PUDP: variants seen among roughly 807,000 people sequenced by gnomAD.
PUDP encodes the protein pseudouridine 5'-phosphatase.
A neutral mutation model predicts 9.4 loss-of-function variants in PUDP; 8 were observed. The ratio of observed to expected loss-of-function variants is 0.85; its 90% CI spans 0.50 to 1.53. PUDP has a LOEUF of 1.53. Among genes scored for constraint, PUDP ranks in the 40% most tolerant of loss-of-function variants. The pLI is 0.00. For missense variants in PUDP, 188 were observed against 189.7 expected (o/e 0.99, Z 0.05); for synonymous variants, 99 against 80.7 (o/e 1.23, Z -1.22).
chrX:6,827,752 C>T (rs191965298), intron 3 of PUDP, among the ~76,000 whole-genome samples: 9 of 112,206 alleles, frequency 8.0e-5, no homozygotes, highest in African/African-American at 2.6e-4. Flanking sequence ...ATTCTGTCAA[C>T]GTCTGCATCC....
intron 3 of PUDP, among the ~76,000 whole-genome samples, chrX:6,906,609 G>C (rs1016453501): frequency 4.5e-5 from 5 of 112,343 alleles, no homozygotes; most frequent in African/African-American, 9.7e-5. Flanking sequence ...ACTGAGGCAG[G>C]AATGAGAGCT....
chrX:6,868,399 A>C (rs572192199), intron 3 of PUDP, among the ~76,000 whole-genome samples: 1 of 111,956 alleles, frequency 8.9e-6, no homozygotes, highest in Admixed American at 9.5e-5. Flanking sequence ...CTAAAGGTTC[A>C]AGAATATTAG....
intron 1 of PUDP, among the ~76,000 whole-genome samples, chrX:7,037,487 T>A (rs1288760171): frequency 8.9e-6 from 1 of 111,935 alleles, no homozygotes; most frequent in Non-Finnish European, 1.9e-5. Flanking sequence ...TTCCTTTCAA[T>A]GTGTGCCACC....
At chrX:6,826,403 C>T (rs903985313) in intron 3 of PUDP, among the ~76,000 whole-genome samples, 2 of 111,819 alleles carry the variant, frequency 1.8e-5, no homozygotes, top group Non-Finnish European at 1.9e-5. Context: ...TTATCTTAGT[C>T]ATTCTCCAAA....
chrX:6,864,976 G>A (rs1176071969), intron 3 of PUDP, among the ~76,000 whole-genome samples: 1 of 111,783 alleles, frequency 8.9e-6, no homozygotes, highest in Non-Finnish European at 1.9e-5. Context: ...GATGTTTGGG[G>A]ATAGAGGTGT....
intron 1 of PUDP, among the ~76,000 whole-genome samples, chrX:6,982,917 G>A (rs1391375542): frequency 8.9e-6 from 1 of 112,118 alleles, no homozygotes; most frequent in Non-Finnish European, 1.9e-5. Flanking sequence ...ATAGCCAAGA[G>A]GTGGAAACAA....
At chrX:7,100,372 T>C (rs1931696882) in intron 2 of PUDP, among the ~76,000 whole-genome samples, 1 of 111,288 alleles carries the variant, frequency 9.0e-6, no homozygotes, top group African/African-American at 3.3e-5. Flanking sequence ...AAATACCTCC[T>C]TGGGTTCGGC....
At chrX:6,899,027 C>T (rs914713548) in intron 3 of PUDP, among the ~76,000 whole-genome samples, 1 of 112,093 alleles carries the variant, frequency 8.9e-6, no homozygotes, top group South Asian at 3.7e-4. Flanking sequence ...GGTTGAAGAT[C>T]CACTTGTTCT....
intron 3 of PUDP, among the ~76,000 whole-genome samples, chrX:6,865,935 A>AATTT (rs754285366): frequency 5.5e-5 from 6 of 109,339 alleles, no homozygotes; most frequent in African/African-American, 1.3e-4. Context: ...GTTAAAAAAA[A>AATTT]TTTAAGAGAC....
At chrX:6,839,208 G>A (rs1418170188) in intron 3 of PUDP, among the ~76,000 whole-genome samples, 2 of 111,654 alleles carry the variant, frequency 1.8e-5, no homozygotes, top group Admixed American at 9.5e-5. Context: ...AAGTAGTAGG[G>A]AGTGCGGCAA....
intron 3 of PUDP, among the ~76,000 whole-genome samples, chrX:6,749,260 G>A (rs1004758827): frequency 6.2e-5 from 7 of 112,084 alleles, no homozygotes; most frequent in Non-Finnish European, 1.1e-4. Flanking sequence ...TTATCAGGCA[G>A]CAGCATCGGG....
intron 3 of PUDP, among the ~76,000 whole-genome samples, chrX:6,751,627 C>G (rs1925086322): frequency 9.0e-6 from 1 of 111,119 alleles, no homozygotes; most frequent in Non-Finnish European, 1.9e-5. Flanking sequence ...GATCATTTTT[C>G]AAGATAAAAA....
intron 3 of PUDP, among the ~76,000 whole-genome samples, chrX:6,966,644 C>A (rs1252839715): frequency 9.3e-6 from 1 of 107,848 alleles, no homozygotes. Context: ...AACTCCTGGG[C>A]TCAAGAGATC....
intron 1 of PUDP, among the ~76,000 whole-genome samples, chrX:7,142,723 C>A (rs1932808329): frequency 9.8e-6 from 1 of 101,598 alleles, no homozygotes; most frequent in African/African-American, 3.7e-5. Flanking sequence ...CGGCTCACTG[C>A]AACCTCAGCC....
chrX:6,756,572 T>G (rs1925171507), intron 3 of PUDP, among the ~76,000 whole-genome samples: 1 of 112,286 alleles, frequency 8.9e-6, no homozygotes. Flanking sequence ...GATATGTGGT[T>G]CATATTTCAA....
At chrX:6,928,204 T>G (rs1354246704) in intron 3 of PUDP, among the ~76,000 whole-genome samples, 1 of 111,494 alleles carries the variant, frequency 9.0e-6, no homozygotes, top group Non-Finnish European at 1.9e-5. Context: ...AGTGCTGGGA[T>G]TACAGGTGTG....
intron 3 of PUDP, among the ~76,000 whole-genome samples, chrX:6,916,230 A>C (rs1488269247): frequency 2.0e-5 from 2 of 99,275 alleles, no homozygotes; most frequent in African/African-American, 8.2e-5. Flanking sequence ...ACACACACAC[A>C]CACACACACA....
intron 1 of PUDP, among the ~76,000 whole-genome samples, chrX:7,009,758 C>T (rs1929451570): frequency 9.0e-6 from 1 of 110,884 alleles, no homozygotes; most frequent in African/African-American, 3.3e-5. Context: ...ATGGGTGCAG[C>T]ACACCAACAT....
intron 1 of PUDP, among the ~76,000 whole-genome samples, chrX:7,022,527 G>A (rs1185756792): frequency 9.0e-6 from 1 of 111,328 alleles, no homozygotes; most frequent in Non-Finnish European, 1.9e-5. Context: ...AAGGCGATGG[G>A]AGCAGTCAAG....
Sources: gnomAD v4.1 joint callset for allele counts (sites outside exome capture counted in the v4.1 genomes callset) on GRCh38, gnomAD v4.1.1 for gene constraint, MANE v1.5 for transcripts, NCBI Gene and HGNC (gene_info 2026-07-23, HGNC 2026-07-21) for gene names.